The following FBXL13 variants were observed in gnomAD, a reference collection of about 807,000 sequenced individuals.
The protein encoded by FBXL13 is F-box and leucine-rich repeat protein 13.
Under a neutral mutation model 83.6 loss-of-function variants are expected in FBXL13, and 67 were observed. The ratio of observed to expected loss-of-function variants is 0.80; its 90% CI spans 0.66 to 0.98. The LOEUF is 0.98. Ranked by LOEUF, FBXL13 falls within the 50% of genes least tolerant of loss-of-function variation. The pLI, the probability that FBXL13 is intolerant of heterozygous loss-of-function variation, is 0.00. For missense variants in FBXL13, 822 were observed against 866.5 expected, an observed-to-expected ratio of 0.95 and a Z score of 0.64; for synonymous variants, 272 against 299.5, an observed-to-expected ratio of 0.91 and a Z score of 0.95.
chr7:103,013,470 G>T (rs1468491827), intron 6 of FBXL13, among the ~76,000 whole-genome samples: 1 of 151,986 alleles, frequency 6.6e-6, no homozygotes, highest in Non-Finnish European at 1.5e-5. Context: ...AGAAATTAAT[G>T]CTAAGAATAT....
chr7:102,835,078 G>C (rs1801638125), intron 17 of FBXL13, among the ~76,000 whole-genome samples: 1 of 152,152 alleles, frequency 6.6e-6, no homozygotes, highest in Non-Finnish European at 1.5e-5. Context: ...GAGAAAAACT[G>C]AAAGATATTG....
intron 6 of FBXL13, among the ~76,000 whole-genome samples, chr7:102,985,193 C>T (rs1005761717): frequency 3.3e-5 from 5 of 152,180 alleles, no homozygotes; most frequent in African/African-American, 9.7e-5. Flanking sequence ...GCAGGATTCC[C>T]ACCAGTTTAG....
At chr7:102,839,447 C>T (rs957313092) in intron 17 of FBXL13, among the ~76,000 whole-genome samples, 11 of 152,204 alleles carry the variant, frequency 7.2e-5, no homozygotes, top group African/African-American at 2.7e-4. Context: ...TTTCTTTTCT[C>T]AGTCTCTCGT....
chr7:102,843,164 C>A (rs756327831), intron 17 of FBXL13, among the ~76,000 whole-genome samples: 2 of 152,168 alleles, frequency 1.3e-5, no homozygotes, highest in Non-Finnish European at 2.9e-5. Context: ...AAGTGGTAGG[C>A]CGGGCATGGT....
At chr7:102,867,526 T>C (rs1584701709) in intron 16 of FBXL13, among the ~76,000 whole-genome samples, 1 of 151,270 alleles carries the variant, frequency 6.6e-6, no homozygotes, top group South Asian at 2.1e-4. Context: ...GAGCTGAGGA[T>C]GAGAGGCGGG....
intron 11 of FBXL13, among the ~76,000 whole-genome samples, chr7:102,893,333 C>T (rs543668025): frequency 4.6e-5 from 7 of 152,256 alleles, no homozygotes; most frequent in Admixed American, 1.3e-4. Flanking sequence ...AATCCTAAAG[C>T]TGAAAAAGAC....
intron 1 of FBXL13, among the ~76,000 whole-genome samples, chr7:103,072,098 G>C (rs530695268): frequency 3.4e-4 from 51 of 152,038 alleles, no homozygotes; most frequent in African/African-American, 1.2e-3. Flanking sequence ...CAGGAGAATC[G>C]CTTGAACCCA....
At chr7:102,942,647 A>G (rs2129475725) in intron 8 of FBXL13, among the ~76,000 whole-genome samples, 1 of 152,280 alleles carries the variant, frequency 6.6e-6, no homozygotes, top group East Asian at 1.9e-4. Flanking sequence ...TAGCAAATAG[A>G]AAAAATCCAG....
In FBXL13 at chr7:102,979,142, T is replaced by A. The variant is rs763055239; in HGVS notation, c.496-11025A>T. On this transcript the variant is annotated intron_variant, in intron 6 of 19. Coordinates refer to ENST00000313221, the Ensembl canonical transcript of FBXL13. ...ATTTGTCTGACAAACAGTTAATTGC[T>A]CTGATCCAAAAGAATAATAAAACTT... 2.0e-5 allele frequency among the ~76,000 whole-genome samples: 3 copies of A among 152,336 alleles called. No individual in the cohort carries two copies. The South Asian group carries it at 6.2e-4, about 32-fold the overall frequency.
At chr7:102,943,336 CAAA>C (rs58320878) in intron 8 of FBXL13, among the ~76,000 whole-genome samples, 18 of 142,734 alleles carry the variant, frequency 1.3e-4, no homozygotes, top group African/African-American at 3.8e-4. Context: ...AAGTAAATAC[CAAA>C]AAAAAAAAAA....
intron 2 of FBXL13, among the ~76,000 whole-genome samples, chr7:103,034,392 G>A (rs187795934): frequency 6.6e-6 from 1 of 152,338 alleles, no homozygotes; most frequent in East Asian, 1.9e-4. Context: ...CCTGCCCCAC[G>A]GGAAGGCAGC....
intron 11 of FBXL13, among the ~76,000 whole-genome samples, chr7:102,896,893 C>T (rs1451523843): frequency 2.0e-5 from 3 of 152,024 alleles, no homozygotes; most frequent in African/African-American, 4.8e-5. Context: ...CATCAATGAA[C>T]AATGGATTCC....
chr7:102,907,313 T>A (rs1813911389), intron 11 of FBXL13, among the ~76,000 whole-genome samples: 1 of 152,198 alleles, frequency 6.6e-6, no homozygotes, highest in Non-Finnish European at 1.5e-5. Flanking sequence ...CTTCATTGTT[T>A]TTCATTCTTT....
At chr7:102,871,567 T>C (rs1386039298) in intron 16 of FBXL13, among the ~76,000 whole-genome samples, 1 of 151,624 alleles carries the variant, frequency 6.6e-6, no homozygotes, top group East Asian at 1.9e-4. Flanking sequence ...TTTTTTTCTG[T>C]ATTTTTGTAG....
At chr7:102,971,048 GTTT>G (rs1472906663) in intron 6 of FBXL13, among the ~76,000 whole-genome samples, 28 of 152,154 alleles carry the variant, frequency 1.8e-4, no homozygotes, top group African/African-American at 6.5e-4. Flanking sequence ...AGACTAAAAT[GTTT>G]TAGAACTGAT....
At chr7:102,939,190 G>A (rs931389386) in intron 8 of FBXL13, among the ~76,000 whole-genome samples, 1 of 152,180 alleles carries the variant, frequency 6.6e-6, no homozygotes, top group Non-Finnish European at 1.5e-5. Flanking sequence ...TGGCTTTATA[G>A]GGCCTTAGTG....
intron 10 of FBXL13, among the ~76,000 whole-genome samples, chr7:102,924,425 GTA>G (rs546616352): frequency 3.3e-5 from 5 of 151,974 alleles, no homozygotes; most frequent in Non-Finnish European, 5.9e-5. Flanking sequence ...ATAAGCAAAT[GTA>G]TATTAAATGC....
intron 14 of FBXL13, among the ~76,000 whole-genome samples, 160 bp downstream of exon 15, chr7:102,883,145 C>T (rs1810337424): frequency 6.6e-6 from 1 of 151,318 alleles, no homozygotes; most frequent in Non-Finnish European, 1.5e-5. Flanking sequence ...GTTGGGAGCC[C>T]CTCTTTCTTA....
At chr7:102,923,983 T>C (rs542236490) in intron 10 of FBXL13, among the ~76,000 whole-genome samples, 2 of 152,158 alleles carry the variant, frequency 1.3e-5, no homozygotes, top group Non-Finnish European at 2.9e-5. Context: ...CTCACACTTG[T>C]AATCCCAGCA....
Sources: allele counts gnomAD v4.1 joint callset (sites outside exome capture counted in the v4.1 genomes callset), GRCh38; gene constraint gnomAD v4.1.1; transcripts MANE v1.5; gene names NCBI Gene and HGNC (gene_info 2026-07-23, HGNC 2026-07-21).